CHD3: variants seen among roughly 807,000 people sequenced by gnomAD.
The protein encoded by CHD3 is chromodomain helicase DNA binding protein 3, also known as ATP-dependent chromatin remodeler CHD3.
In CHD3, 52 loss-of-function variants were observed where a neutral mutation model predicts 248.9. That is an observed-to-expected ratio of 0.21 (90% CI 0.17 to 0.26). The LOEUF is 0.26. Ranked by LOEUF, CHD3 falls within the 10% of genes least tolerant of loss-of-function variation. The pLI is 1.00. For missense variants in CHD3, 1,482 were observed against 2,605.8 expected (o/e 0.57, Z 9.39); for synonymous variants, 985 against 985.2 (o/e 1.00, Z 0.00).
intron 2 of CHD3, 172 bp from the exon 3 acceptor site, chr17:7,890,399 A>T: frequency 1.8e-6 from 1 of 551,826 alleles, no homozygotes; most frequent in East Asian, 3.1e-5. Flanking sequence ...AGTGCACTCC[A>T]GCATGGGTGA....
In CHD3 at chr17:7,889,676, T is replaced by C. The variant is rs1442594390; in HGVS notation, c.113T>C (p.Ile38Thr). ...WGDRMPDKDD[I>T]RLLPSALGVK... ...TTTTGCTTCAAAGATAAGGATGACATTCGGCTGCTGCCGTCAGCATTGGGT... is the reference window on the plus strand; with the variant it reads ...TTTTGCTTCAAAGATAAGGATGACACTCGGCTGCTGCCGTCAGCATTGGGT... Residue 38 changes from isoleucine (I) to threonine (T), a missense_variant, in exon 2 of 40, where the codon ATT (isoleucine) becomes ACT (threonine). Physicochemically the swap from Ile to Thr is moderately conservative, Grantham distance 89 (BLOSUM62 -1). Around this residue, in one of 20 missense-constraint regions of CHD3, gnomAD observed 169 missense variants for 168.1 expected, o/e 1.01. Coordinates refer to ENST00000330494, the MANE Select transcript of CHD3 (RefSeq NM_001005273.3). This position sits in a 1 kb window ranked among gnomAD's most constrained non-coding sequence, Gnocchi z 4.5. The C allele has an allele frequency of 6.2e-7, 1 of 1,612,544 alleles. No individual in the cohort carries two copies. Among genetic ancestry groups the C allele is most frequent in the East Asian group, 2.2e-5 (1 of 44,874 alleles).
At position 7,900,047 on chromosome 17, in the gene CHD3, C is replaced by T; in HGVS notation, c.2682+14C>T. On this transcript the variant is annotated intron_variant, in intron 16 of 39. Coordinates refer to ENST00000330494, the MANE Select transcript of CHD3 (RefSeq NM_001005273.3). The surrounding 1 kb of genome is among the most constrained non-coding windows in gnomAD (Gnocchi z 6.5). ...AACCAGTCCAAGGTGAGTGAGGTTT[C>T]CAGACCTAAAAAACTTGAAGTTGTG... is the stretch of plus-strand genomic sequence containing the variant. 1 of 1,589,972 alleles carries T rather than the reference C, an allele frequency of 6.3e-7. No homozygotes were observed. Among genetic ancestry groups the T allele is most frequent in the Middle Eastern group, 1.7e-4 (1 of 5,938 alleles).
At chr17:7,891,774 T>C (rs563271582) in intron 4 of CHD3, among the ~76,000 whole-genome samples, 1 of 151,490 alleles carries the variant, frequency 6.6e-6, no homozygotes. Flanking sequence ...GGCAGGAGAA[T>C]CGCTTGAACC....
At position 7,905,067 on chromosome 17, in the gene CHD3, T is replaced by C. The variant is rs370143174; in HGVS notation, c.4073-33T>C. On this transcript the variant is annotated intron_variant, in intron 25 of 39. Transcript: ENST00000330494. This position sits in a 1 kb window ranked among gnomAD's most constrained non-coding sequence, Gnocchi z 5.8. ...CAGCATGGGCATATCCCGAGAGCCC[T>C]CCCTGACCACTGGGCCCTTTCCACC... 4 of 1,606,084 alleles carry C rather than the reference T, an allele frequency of 2.5e-6. No individual in the cohort carries two copies. Among genetic ancestry groups the C allele is most frequent in the Non-Finnish European group, 8.5e-7 (1 of 1,172,758 alleles).
intron 4 of CHD3, among the ~76,000 whole-genome samples, chr17:7,891,970 T>C (rs1181543145): frequency 6.6e-6 from 1 of 151,804 alleles, no homozygotes; most frequent in Non-Finnish European, 1.5e-5. Context: ...TCACATCTGG[T>C]TACATTTTGG....
chr17:7,906,802 G>A lies in CHD3; in HGVS notation c.4504-67G>A. The A allele has an allele frequency of 6.2e-7, 1 of 1,600,054 alleles. No individual in the cohort carries two copies. Among genetic ancestry groups the A allele is most frequent in the Admixed American group, 1.7e-5 (1 of 58,742 alleles). ...AAGCTTGCGCTGGTGTGAGACGGAG[G>A]AGACTGGAGCTTCCTGTCTGTAAGC... is the stretch of plus-strand genomic sequence containing the variant. On this transcript the variant is annotated intron_variant, in intron 29 of 39. Transcript: ENST00000330494. The surrounding 1 kb of genome is among the most constrained non-coding windows in gnomAD (Gnocchi z 5.0).
At position 7,907,562 on chromosome 17, in the gene CHD3, G is replaced by A. The variant is rs1971133422; in HGVS notation, c.4925-39G>A. 2.0e-6 allele frequency: 3 copies of A among 1,522,132 alleles called. No individual in the cohort carries two copies. The highest frequency in any genetic ancestry group is 1.4e-5 in the African/African-American group (1 of 71,788). The allele number at this position is 1,522,132 out of a possible 1,614,324, so 94.3% of individuals were successfully genotyped here. A position where few individuals can be genotyped will look rare whatever the true frequency, so the allele number is the denominator to read the frequency against. On this transcript the variant is annotated intron_variant, in intron 32 of 39. Transcript: ENST00000330494. The surrounding 1 kb of genome is among the most constrained non-coding windows in gnomAD (Gnocchi z 4.3). ...CCTCTTCTGGGGTCAGGGGATGAGG[G>A]TAACATCCTCCCTTCCTATCCCCTA...
rs1970656259 is a variant in CHD3, at chr17:7,904,300, C to T, written c.3895-142C>T. ...AGATGGCATGGAACATGCGCAATGT[C>T]CAGAAAATGTATGCAGAGCCACGAA... On this transcript the variant is annotated intron_variant, in intron 24 of 39. Coordinates refer to ENST00000330494, the MANE Select transcript of CHD3 (RefSeq NM_001005273.3). This position sits in a 1 kb window ranked among gnomAD's most constrained non-coding sequence, Gnocchi z 4.4. 1 of 736,650 alleles carries T rather than the reference C, an allele frequency of 1.4e-6. No individual in the cohort carries two copies. Among genetic ancestry groups the T allele is most frequent in the Admixed American group, 2.8e-5 (1 of 36,354 alleles). 45.6% of individuals were successfully genotyped at this position (736,650 alleles called of 1,614,324 possible).
chr17:7,910,137 T>C lies in CHD3; in HGVS notation c.5591-291T>C. ...CCCCATGTCTTCCAATGTCCCCCCA[T>C]CTTCCTTTCCTCCATGCTCCCTTTT... On this transcript the variant is annotated intron_variant, in intron 37 of 39. Coordinates refer to ENST00000330494, the MANE Select transcript of CHD3 (RefSeq NM_001005273.3). The surrounding 1 kb of genome is among the most constrained non-coding windows in gnomAD (Gnocchi z 4.7). 3.7e-6 allele frequency: 1 copy of C among 269,184 alleles called. No individual in the cohort carries two copies. Among genetic ancestry groups the C allele is most frequent in the Admixed American group, 5.6e-5 (1 of 17,988 alleles). 16.7% of individuals were successfully genotyped at this position (269,184 alleles called of 1,614,324 possible). A position where few individuals can be genotyped will look rare whatever the true frequency, so the allele number is the denominator to read the frequency against.
At position 7,908,972 on chromosome 17, in the gene CHD3, T is replaced by A; in HGVS notation, c.5394+143T>A. 1 of 1,416,360 alleles carries A rather than the reference T, an allele frequency of 7.1e-7. No homozygotes were observed. The highest frequency in any genetic ancestry group is 9.7e-7 in the Non-Finnish European group (1 of 1,028,102). The allele number at this position is 1,416,360 out of a possible 1,614,324, so 87.7% of individuals were successfully genotyped here. ...CAAGACCAAAGTGTAACCTTGTGCTTGGGAGTGTGATCTGGGTCAGGGTTG... is the reference window on the plus strand; with the variant it reads ...CAAGACCAAAGTGTAACCTTGTGCTAGGGAGTGTGATCTGGGTCAGGGTTG... On this transcript the variant is annotated intron_variant, in intron 36 of 39. Transcript: ENST00000330494. This position sits in a 1 kb window ranked among gnomAD's most constrained non-coding sequence, Gnocchi z 5.8.
Position 7,906,957 on chromosome 17 carries a change from C to G in CHD3, c.4592C>G (p.Ala1531Gly). 1 of 1,614,176 alleles carries G rather than the reference C, an allele frequency of 6.2e-7. No individual in the cohort carries two copies. Among genetic ancestry groups the G allele is most frequent in the Non-Finnish European group, 8.5e-7 (1 of 1,180,032 alleles). The stretch of plus-strand genomic sequence containing the variant: ...GCCGATTCTAAGCGCTCCTCCAGAG[C>G]CTCCTCTCCTACCAAAACGTCTCCC... ...PSADSKRSSR[A>G]SSPTKTSPTT... is the part of the protein sequence containing the mutation. The change falls in exon 30 of 40, where the codon GCC becomes GGC. Residue 1531 changes from alanine to glycine, a missense_variant. Ala to Gly is a moderately conservative substitution (Grantham distance 60). Around this residue, in one of 20 missense-constraint regions of CHD3, gnomAD observed 254 missense variants for 266.7 expected, o/e 0.95. Transcript: ENST00000330494. The surrounding 1 kb of genome is among the most constrained non-coding windows in gnomAD (Gnocchi z 5.0).
intron 2 of CHD3, chr17:7,890,324 G>T: frequency 2.8e-6 from 1 of 352,790 alleles, no homozygotes. Flanking sequence ...AGCTACACAG[G>T]AGGCTGAGGC....
rs751939504 is a variant in CHD3 at position 7,903,510 on chromosome 17, A to G, written c.3727+7A>G. On this transcript the variant is annotated splice_region_variant and intron_variant, in intron 23 of 39. Coordinates refer to ENST00000330494, the MANE Select transcript of CHD3 (RefSeq NM_001005273.3). This position sits in a 1 kb window ranked among gnomAD's most constrained non-coding sequence, Gnocchi z 6.8. The stretch of plus-strand genomic sequence containing the variant: ...TTCAAGGATGAAAACGAGGGTGAGA[A>G]CCTTTTCTGCAGCTCTGTGAAAGCA... 1.7e-5 allele frequency: 27 copies of G among 1,606,172 alleles called. No homozygotes were observed. The highest frequency in any genetic ancestry group is 2.1e-5 in the Non-Finnish European group (25 of 1,174,646).
rs1191134294 is a variant in CHD3 at position 7,912,694 on chromosome 17, G to A, written c.*1109G>A. On this transcript the variant is annotated 3_prime_UTR_variant, in exon 40 of 40. Coordinates refer to ENST00000330494, the MANE Select transcript of CHD3 (RefSeq NM_001005273.3). ...CTCTCTTCACACCCACTCCTGGTCTGTCCTGATCCCCTCTTCTGTATCAGG... is the reference window on the plus strand; with the variant it reads ...CTCTCTTCACACCCACTCCTGGTCTATCCTGATCCCCTCTTCTGTATCAGG... The A allele has an allele frequency of 1.4e-5, 2 of 141,590 alleles. No individual in the cohort carries two copies. Among genetic ancestry groups the A allele is most frequent in the Non-Finnish European group, 3.0e-5 (2 of 66,802 alleles). 8.8% of individuals were successfully genotyped at this position (141,590 alleles called of 1,614,324 possible).
At chr17:7,896,088 C>A (rs186988843) in intron 10 of CHD3, among the ~76,000 whole-genome samples, 1 of 151,842 alleles carries the variant, frequency 6.6e-6, no homozygotes, top group East Asian at 2.0e-4. Context: ...ATTAGCTGGG[C>A]GTGGTGGCAG....
chr17:7,899,441 G>T lies in CHD3; in HGVS notation c.2442G>T (p.Val814=). 6.2e-7 allele frequency: 1 copy of T among 1,614,148 alleles called. No homozygotes were observed. The highest frequency in any genetic ancestry group is 1.1e-5 in the South Asian group (1 of 91,080). The change falls in exon 15 of 40, where the codon GTG becomes GTT. Residue 814 remains valine, a synonymous_variant. Transcript: ENST00000330494. The surrounding 1 kb of genome is among the most constrained non-coding windows in gnomAD (Gnocchi z 6.8). ...TGTGGGCACCCAAATTCTATGTGGT[G>T]ACATACACGGGTGACAAGGACAGCC... ...FQMWAPKFYV[V]TYTGDKDSRA... is the part of the protein sequence containing the mutation.
rs1030192724 is a variant in CHD3, at chr17:7,897,339, A to T, written c.1919+45A>T. 2.0e-6 allele frequency: 3 copies of T among 1,498,728 alleles called. No individual in the cohort carries two copies. The highest frequency in any genetic ancestry group is 2.8e-6 in the Non-Finnish European group (3 of 1,081,960). The allele number at this position is 1,498,728 out of a possible 1,614,324, so 92.8% of individuals were successfully genotyped here. A position where few individuals can be genotyped will look rare whatever the true frequency, so the allele number is the denominator to read the frequency against. On this transcript the variant is annotated intron_variant, in intron 11 of 39. Transcript: ENST00000330494. The surrounding 1 kb of genome is among the most constrained non-coding windows in gnomAD (Gnocchi z 4.8). ...GAAGTCAGACCTGGTATATGACATT[A>T]TTCTTACCATGGTGATGGCCCCATG...
chr17:7,896,452 C>G (rs1384696387), intron 10 of CHD3, among the ~76,000 whole-genome samples: 1 of 147,048 alleles, frequency 6.8e-6, no homozygotes, highest in African/African-American at 2.5e-5. Flanking sequence ...GTTGCCTAGG[C>G]TGGAGTGCAG....
rs1459235333 is a variant in CHD3, at chr17:7,895,624, G to C, written c.1707+82G>C. The C allele has an allele frequency of 2.4e-6, 3 of 1,245,100 alleles. No individual in the cohort carries two copies. In the African/African-American group the frequency reaches 4.5e-5, roughly 19 times the overall value. 77.1% of individuals were successfully genotyped at this position (1,245,100 alleles called of 1,614,324 possible). A position where few individuals can be genotyped will look rare whatever the true frequency, so the allele number is the denominator to read the frequency against. On this transcript the variant is annotated intron_variant, in intron 10 of 39. Transcript: ENST00000330494. This position sits in a 1 kb window ranked among gnomAD's most constrained non-coding sequence, Gnocchi z 4.9. ...CCTCTCTTACTCCTCTGTTTGTTGGGTTCCCATACTCTTTGTTTTCTCTCA... is the reference window on the plus strand; with the variant it reads ...CCTCTCTTACTCCTCTGTTTGTTGGCTTCCCATACTCTTTGTTTTCTCTCA...
Sources: gnomAD v4.1 joint callset for allele counts (sites outside exome capture counted in the v4.1 genomes callset) on GRCh38, gnomAD v4.1.1 for gene constraint, gnomAD v4.1.1 regional missense constraint, Gnocchi (gnomAD v3.1) non-coding constraint, MANE v1.5 for transcripts, NCBI Gene and HGNC (gene_info 2026-07-23, HGNC 2026-07-21) for gene names.